HLCS: variants seen among roughly 807,000 people sequenced by gnomAD.
The protein encoded by HLCS is holocarboxylase synthetase.
A neutral mutation model predicts 75.0 loss-of-function variants in HLCS; 53 were observed. The observed-to-expected ratio is 0.71, with a 90% CI of 0.57 to 0.89. The LOEUF (loss-of-function observed/expected upper bound fraction) is 0.89, where lower values mean the gene tolerates loss of function less well. Ranked by LOEUF, HLCS falls within the 40% of genes least tolerant of loss-of-function variation. The pLI is 0.00. For missense variants in HLCS, 966 were observed against 1,074.0 expected (o/e 0.90, Z 1.41); for synonymous variants, 431 against 428.6 (o/e 1.01, Z -0.07).
intron 5 of HLCS, among the ~76,000 whole-genome samples, chr21:36,908,421 A>G (rs2065556289): frequency 6.6e-6 from 1 of 151,926 alleles, no homozygotes; most frequent in Admixed American, 6.6e-5. Context: ...CTGACACTTT[A>G]CAATGGTTGG....
chr21:36,878,119 A>C (rs1356462034), intron 6 of HLCS, among the ~76,000 whole-genome samples: 1 of 151,830 alleles, frequency 6.6e-6, no homozygotes. Context: ...CTGGAAATTT[A>C]TGTCTTCTGC....
chr21:36,817,162 C>A (rs1436272411), intron 6 of HLCS, among the ~76,000 whole-genome samples: 1 of 152,176 alleles, frequency 6.6e-6, no homozygotes, highest in Non-Finnish European at 1.5e-5. Flanking sequence ...ATACTCTTTT[C>A]AAAATGAAAA....
intron 5 of HLCS, among the ~76,000 whole-genome samples, chr21:36,898,917 C>T (rs184087161): frequency 1.3e-3 from 196 of 151,820 alleles, no homozygotes; most frequent in South Asian, 3.1e-3. Context: ...AAAAATTAGC[C>T]GGGCATGGTG....
rs2282501 is a variant in HLCS at position 36,930,583 on chromosome 21, G to A, written c.1438-150C>T. On this transcript the variant is annotated intron_variant, in intron 4 of 10. Coordinates refer to ENST00000674895, the MANE Select transcript of HLCS (RefSeq NM_001352514.2). ...TGGTCTTGAACTCCTGGGCTCAAAC[G>A]ATCCTCCCACCTCAGCCTCCCAAAG... The A allele has an allele frequency of 0.56, 374,824 of 671,824 alleles. 106,820 individuals are homozygous for A. Among genetic ancestry groups the A allele is most frequent in the Admixed American group, 0.66 (22,870 of 34,700 alleles). 41.6% of individuals were successfully genotyped at this position (671,824 alleles called of 1,614,324 possible).
intron 6 of HLCS, among the ~76,000 whole-genome samples, chr21:36,883,899 C>A (rs1388800075): frequency 6.6e-6 from 1 of 152,174 alleles, no homozygotes; most frequent in Non-Finnish European, 1.5e-5. Flanking sequence ...GCTAGGGGAC[C>A]CGGCCACCCA....
chr21:36,909,863 C>A (rs566140792), intron 5 of HLCS, among the ~76,000 whole-genome samples: 4 of 152,210 alleles, frequency 2.6e-5, no homozygotes, highest in African/African-American at 4.8e-5. Context: ...TGTTTTGGAG[C>A]TTCTTTTCCC....
At chr21:36,827,881 T>G (rs1432664666) in intron 6 of HLCS, among the ~76,000 whole-genome samples, 1 of 151,292 alleles carries the variant, frequency 6.6e-6, no homozygotes, top group Non-Finnish European at 1.5e-5. Flanking sequence ...TGGCGTGATC[T>G]TGGCTCACTG....
intron 2 of HLCS, chr21:36,947,295 C>T (rs941645244): frequency 2.8e-5 from 27 of 948,814 alleles, no homozygotes; most frequent in Admixed American, 6.2e-5. Context: ...CCACACATCC[C>T]GGATCAAGTT....
upstream of HLCS, among the ~76,000 whole-genome samples, chr21:36,966,955 G>A (rs1395414584): frequency 1.3e-5 from 2 of 151,614 alleles, no homozygotes; most frequent in Admixed American, 6.6e-5. Flanking sequence ...GGCTGCACCC[G>A]GAGAGGGGGC....
intron 2 of HLCS, among the ~76,000 whole-genome samples, chr21:36,944,538 A>G (rs2067293880): frequency 1.3e-5 from 2 of 152,198 alleles, no homozygotes; most frequent in Non-Finnish European, 2.9e-5. Flanking sequence ...AAAAATTAAT[A>G]TACAACAAAA....
At chr21:36,951,709 G>GT (rs2067677610) in intron 2 of HLCS, among the ~76,000 whole-genome samples, 5 of 152,310 alleles carry the variant, frequency 3.3e-5, no homozygotes, top group Admixed American at 3.3e-4. Context: ...CCTTGATCAA[G>GT]TACAAGGAAC....
chr21:36,782,913 GGCAGAGACT>G (rs2060577215), intron 6 of HLCS, among the ~76,000 whole-genome samples: 1 of 151,746 alleles, frequency 6.6e-6, no homozygotes, highest in East Asian at 1.9e-4. Flanking sequence ...GAACTTGGGA[GGCAGAGACT>G]GCCGAGATCA....
At chr21:36,956,402 G>C (rs1412443512) in intron 2 of HLCS, among the ~76,000 whole-genome samples, 1 of 152,186 alleles carries the variant, frequency 6.6e-6, no homozygotes, top group Non-Finnish European at 1.5e-5. Flanking sequence ...TGTGTACCTA[G>C]AGTCCTAAAA....
intron 5 of HLCS, among the ~76,000 whole-genome samples, chr21:36,919,790 G>A (rs903226226): frequency 1.3e-5 from 2 of 152,204 alleles, no homozygotes; most frequent in Non-Finnish European, 2.9e-5. Context: ...TCATTGTGCT[G>A]AAATTAACTG....
At chr21:36,811,178 C>G (rs2061499226) in intron 6 of HLCS, among the ~76,000 whole-genome samples, 1 of 152,134 alleles carries the variant, frequency 6.6e-6, no homozygotes, top group African/African-American at 2.4e-5. Flanking sequence ...TAACTGATGA[C>G]GTATCTCTCA....
intron 5 of HLCS, among the ~76,000 whole-genome samples, chr21:36,897,510 T>C (rs1352657692): frequency 6.6e-6 from 1 of 152,192 alleles, no homozygotes; most frequent in African/African-American, 2.4e-5. Context: ...ACAAAGAAAT[T>C]CATTATCCTA....
chr21:36,909,114 A>G (rs761607925), intron 5 of HLCS, among the ~76,000 whole-genome samples: 15 of 152,070 alleles, frequency 9.9e-5, no homozygotes, highest in South Asian at 2.1e-4. Flanking sequence ...GCAGAATGGC[A>G]TGAACCTCGG....
At chr21:36,771,415 G>A (rs1034112614) in intron 6 of HLCS, among the ~76,000 whole-genome samples, 14 of 152,238 alleles carry the variant, frequency 9.2e-5, no homozygotes, top group Middle Eastern at 3.4e-3. Context: ...TTCCTGACCC[G>A]GGGACTGTAT....
At chr21:36,799,461 C>A (rs183502777) in intron 6 of HLCS, among the ~76,000 whole-genome samples, 3 of 152,228 alleles carry the variant, frequency 2.0e-5, no homozygotes, top group Admixed American at 1.3e-4. Context: ...AAAATTATAT[C>A]TGAGTTGAAC....
Sources: gnomAD v4.1 joint callset for allele counts (sites outside exome capture counted in the v4.1 genomes callset) on GRCh38, gnomAD v4.1.1 for gene constraint, MANE v1.5 for transcripts, NCBI Gene and HGNC (gene_info 2026-07-23, HGNC 2026-07-21) for gene names.